The following FMN2 variants were observed in gnomAD, a reference collection of about 807,000 sequenced individuals.
The protein encoded by FMN2 is formin 2, also known as formin-2.
Under a neutral mutation model 142.3 loss-of-function variants are expected in FMN2, and 51 were observed. The ratio of observed to expected loss-of-function variants is 0.36; its 90% confidence interval spans 0.29 to 0.45. FMN2 has a LOEUF of 0.45. FMN2 is among the 20% of genes least tolerant of loss of function. FMN2 has a pLI of 1.00. For missense variants in FMN2, 1,936 were observed against 2,122.8 expected, an observed-to-expected ratio of 0.91 and a Z score of 1.73; for synonymous variants, 882 against 869.8, an observed-to-expected ratio of 1.01 and a Z score of -0.25.
intron 6 of FMN2, among the ~76,000 whole-genome samples, chr1:240,229,209 A>G (rs2103439661): frequency 6.6e-6 from 1 of 152,352 alleles, no homozygotes; most frequent in South Asian, 2.1e-4. Flanking sequence ...GATTGAAAGC[A>G]AAATCTAAAG....
intron 8 of FMN2, among the ~76,000 whole-genome samples, chr1:240,312,213 C>G (rs183139751): frequency 5.3e-5 from 8 of 152,220 alleles, no homozygotes; most frequent in East Asian, 1.9e-4. Context: ...CCACCCACCC[C>G]CTTTTAGTTT....
rs532298569 is a variant in FMN2 at position 240,092,766 on chromosome 1, A to ACAGCAG, written c.671_676dup (p.Gln224_Gln225dup). 41 of 1,609,562 alleles carry ACAGCAG rather than the reference A, an allele frequency of 2.5e-5. No homozygotes were observed. The highest frequency in any genetic ancestry group is 2.4e-4 in the South Asian group (22 of 90,784). Reference sequence around the variant, plus strand: ...AGCAGCTCCAGCTCCAGCTCCAGCAACAGCAGCAGCAGCAGCAGCTCCAGG... The same window carrying ACAGCAG: ...AGCAGCTCCAGCTCCAGCTCCAGCAACAGCAGCAGCAGCAGCAGCAGCAGCTCCAGG... On this transcript the variant is annotated inframe_insertion, in exon 1 of 18. Transcript: ENST00000319653.
chr1:240,176,003 C>T lies in FMN2; in HGVS notation c.1783-1918C>T, dbSNP rs184677033. On this transcript the variant is annotated intron_variant, in intron 2 of 17. Coordinates refer to ENST00000319653, the MANE Select transcript of FMN2 (RefSeq NM_020066.5). ...ATACTTCCTCCCATTTTGTAGGTTG[C>T]CTTTTCACTCTGATTGTGTCCTTTG... Among the ~76,000 whole-genome samples, 20 of 152,172 alleles carry T rather than the reference C, an allele frequency of 1.3e-4. No individual in the cohort carries two copies. In the East Asian group the frequency reaches 2.9e-3, roughly 22 times the overall value.
At chr1:240,352,872 G>C (rs893244286) in intron 13 of FMN2, among the ~76,000 whole-genome samples, 4 of 152,174 alleles carry the variant, frequency 2.6e-5, no homozygotes, top group Non-Finnish European at 5.9e-5. Flanking sequence ...ACAGGAAGTT[G>C]ACTACGGATG....
chr1:240,334,734 C>T (rs905617895), intron 13 of FMN2, among the ~76,000 whole-genome samples: 5 of 151,850 alleles, frequency 3.3e-5, no homozygotes, highest in Admixed American at 1.3e-4. Context: ...AATAATAGGC[C>T]GAAATTTTTC....
chr1:240,183,746 A>G (rs1665251829), intron 3 of FMN2, among the ~76,000 whole-genome samples: 1 of 151,950 alleles, frequency 6.6e-6, no homozygotes, highest in South Asian at 2.1e-4. Flanking sequence ...ATTTAACCTC[A>G]TCTTCATTTG....
chr1:240,411,587 T>G (rs1174658049), intron 15 of FMN2, among the ~76,000 whole-genome samples: 1 of 150,362 alleles, frequency 6.7e-6, no homozygotes, highest in Non-Finnish European at 1.5e-5. Context: ...AAAAAAAAAG[T>G]CTAACTACAT....
intron 16 of FMN2, among the ~76,000 whole-genome samples, chr1:240,450,019 T>C (rs953610): frequency 0.18 from 27,892 of 152,042 alleles, 2,778 homozygotes; most frequent in African/African-American, 0.23. Flanking sequence ...CTTGTTCATT[T>C]TATAACTCAA....
chr1:240,212,291 G>T (rs1336930378), intron 6 of FMN2, among the ~76,000 whole-genome samples: 1 of 152,198 alleles, frequency 6.6e-6, no homozygotes, highest in Non-Finnish European at 1.5e-5. Context: ...GGAGAAGATG[G>T]ATTTCAATGG....
chr1:240,155,950 C>T (rs1027241633), intron 2 of FMN2, among the ~76,000 whole-genome samples: 8 of 150,040 alleles, frequency 5.3e-5, no homozygotes, highest in Non-Finnish European at 8.9e-5. Context: ...TATATATCAC[C>T]GTAAAGGGAC....
chr1:240,253,076 C>T (rs2102888737), intron 6 of FMN2, among the ~76,000 whole-genome samples: 1 of 150,946 alleles, frequency 6.6e-6, no homozygotes, highest in African/African-American at 2.4e-5. Context: ...CGTCAGCCTC[C>T]TGAGTAGCTG....
rs931453067 is a variant in FMN2 at position 240,093,230 on chromosome 1, C to A, written c.1121C>A (p.Ala374Asp). The change falls in exon 1 of 18, where the codon GCC (alanine) becomes GAC (aspartate). Residue 374 changes from alanine (A) to aspartate (D), a missense_variant. Coordinates refer to ENST00000319653, the MANE Select transcript of FMN2 (RefSeq NM_020066.5). Reference protein sequence around the residue: ...EEWAPEVGEDAPQRLGEEPEE... With the variant: ...EEWAPEVGEDDPQRLGEEPEE... ...TGGGCCCCGGAGGTGGGAGAGGACG[C>A]CCCGCAGAGGCTGGGGGAAGAGCCG... 2 of 1,538,540 alleles carry A rather than the reference C, an allele frequency of 1.3e-6. No homozygotes were observed. Among genetic ancestry groups the A allele is most frequent in the Middle Eastern group, 1.8e-4 (1 of 5,702 alleles).
At chr1:240,244,772 G>A (rs1369864956) in intron 6 of FMN2, among the ~76,000 whole-genome samples, 5 of 152,148 alleles carry the variant, frequency 3.3e-5, no homozygotes, top group Non-Finnish European at 7.4e-5. Context: ...TGACTTTTCA[G>A]AAGGTTGAGC....
chr1:240,353,169 C>G (rs1428692990), intron 13 of FMN2, among the ~76,000 whole-genome samples: 1 of 152,202 alleles, frequency 6.6e-6, no homozygotes, highest in African/African-American at 2.4e-5. Context: ...TCTTACACTT[C>G]CTTAGGCTGA....
rs1251822035 is a variant in FMN2 at position 240,207,503 on chromosome 1, C to G, written c.2691C>G (p.Pro897=). The G allele has an allele frequency of 1.2e-6, 2 of 1,613,422 alleles. No individual in the cohort carries two copies. Residue 897 remains proline (P), a synonymous_variant, in exon 5 of 18, where the codon CCC becomes CCG. Coordinates refer to ENST00000319653, the MANE Select transcript of FMN2 (RefSeq NM_020066.5). ...CTACTCTGCCCAGTACAGCCATTCCCCAACCTCCTCCTCTGCAGGGTACAG... is the reference window on the plus strand; with the variant it reads ...CTACTCTGCCCAGTACAGCCATTCCGCAACCTCCTCCTCTGCAGGGTACAG... ...TVPTLPSTAI[P]QPPPLQGTEM...
intron 8 of FMN2, among the ~76,000 whole-genome samples, chr1:240,320,553 T>G (rs75878961): frequency 0.017 from 2,586 of 152,172 alleles, 68 homozygotes; most frequent in African/African-American, 0.059. Context: ...AGAGGAAATG[T>G]TTTGTTTAGT....
chr1:240,310,311 T>A (rs1670559239), intron 8 of FMN2, among the ~76,000 whole-genome samples: 1 of 152,222 alleles, frequency 6.6e-6, no homozygotes, highest in Non-Finnish European at 1.5e-5. Context: ...TGTTTTAAAG[T>A]AATTCTATTT....
chr1:240,326,466 T>C (rs1224125073), intron 8 of FMN2, among the ~76,000 whole-genome samples: 1 of 151,996 alleles, frequency 6.6e-6, no homozygotes, highest in Non-Finnish European at 1.5e-5. Context: ...ATGAATTTCA[T>C]CCTTCTCTTG....
chr1:240,327,330 C>A (rs897110720), intron 8 of FMN2, among the ~76,000 whole-genome samples: 1 of 152,126 alleles, frequency 6.6e-6, no homozygotes, highest in East Asian at 1.9e-4. Flanking sequence ...TTTTGAGACA[C>A]GTCTTTGTTA....
Sources: allele counts gnomAD v4.1 joint callset (sites outside exome capture counted in the v4.1 genomes callset), GRCh38; gene constraint gnomAD v4.1.1; transcripts MANE v1.5; gene names NCBI Gene and HGNC (gene_info 2026-07-23, HGNC 2026-07-21).